PRRC2C: variants seen among roughly 807,000 people sequenced by gnomAD.
The protein encoded by PRRC2C is proline rich coiled-coil 2C.
In PRRC2C, 72 loss-of-function variants were observed where a neutral mutation model predicts 317.2. The observed-to-expected ratio is 0.23, with a 90% confidence interval of 0.19 to 0.28. PRRC2C has a LOEUF of 0.28. Ranked by LOEUF, PRRC2C falls within the 10% of genes least tolerant of loss-of-function variation. PRRC2C has a pLI of 1.00. For missense variants in PRRC2C, 3,074 were observed against 3,459.7 expected, an observed-to-expected ratio of 0.89 and a Z score of 2.80; for synonymous variants, 1,296 against 1,205.9, an observed-to-expected ratio of 1.07 and a Z score of -1.55.
chr1:171,574,331 AT>A (rs1196938755), intron 24 of PRRC2C, among the ~76,000 whole-genome samples: 1 of 152,160 alleles, frequency 6.6e-6, no homozygotes, highest in Non-Finnish European at 1.5e-5. Flanking sequence ...TTAGATATGT[AT>A]CTGTTGAAAA....
intron 23 of PRRC2C, among the ~76,000 whole-genome samples, chr1:171,568,805 C>G (rs888195561): frequency 5.3e-5 from 8 of 151,606 alleles, no homozygotes; most frequent in African/African-American, 2.0e-4. Flanking sequence ...AGAAAAAATA[C>G]CAGCGTGTTA....
intron 1 of PRRC2C, chr1:171,510,349 G>T (rs1036187433): frequency 2.0e-5 from 3 of 152,116 alleles, no homozygotes; most frequent in Admixed American, 6.6e-5. Context: ...AAAAGTCCAA[G>T]ATTTCAGGAT....
intron 18 of PRRC2C, among the ~76,000 whole-genome samples, chr1:171,554,015 A>G (rs1680843102): frequency 6.6e-6 from 1 of 152,128 alleles, no homozygotes; most frequent in Non-Finnish European, 1.5e-5. Flanking sequence ...CAAGTCCTGG[A>G]TATCCTTGTT....
intron 25 of PRRC2C, among the ~76,000 whole-genome samples, chr1:171,575,720 C>T (rs933045386): frequency 5.3e-5 from 8 of 152,126 alleles, no homozygotes; most frequent in Non-Finnish European, 1.0e-4. Flanking sequence ...GGAGGCCTTA[C>T]GGTTCTTAAA....
At chr1:171,518,043 T>C (rs1284562893) in intron 6 of PRRC2C, among the ~76,000 whole-genome samples, 1 of 152,242 alleles carries the variant, frequency 6.6e-6, no homozygotes, top group Non-Finnish European at 1.5e-5. Flanking sequence ...ACGCAGTGTT[T>C]CTTAGCAGAA....
chr1:171,542,862 G>A (rs1000746982), intron 16 of PRRC2C, among the ~76,000 whole-genome samples: 17 of 152,072 alleles, frequency 1.1e-4, no homozygotes, highest in African/African-American at 3.6e-4. Context: ...CAGGGTTCAT[G>A]CCATTCTCCT....
intron 19 of PRRC2C, among the ~76,000 whole-genome samples, chr1:171,559,259 TGGAA>T (rs1426615439): frequency 6.6e-6 from 1 of 152,194 alleles, no homozygotes; most frequent in Non-Finnish European, 1.5e-5. Context: ...AGCCTTCTGT[TGGAA>T]GGAGATGCCA....
chr1:171,542,060 A>G lies in PRRC2C; in HGVS notation c.4594A>G (p.Asn1532Asp), dbSNP rs762559652. 7 of 1,613,950 alleles carry G rather than the reference A, an allele frequency of 4.3e-6. No homozygotes were observed. In the East Asian group the frequency reaches 6.7e-5, roughly 15 times the overall value. ...NAQTVVKVGENVLPPKREIAK... is the reference protein window; with the variant it reads ...NAQTVVKVGEDVLPPKREIAK... Reference sequence around the variant, plus strand: ...ACAAACAGTTGTAAAGGTTGGAGAGAATGTTCTACCTCCAAAGAGGGAAAT... The same window carrying G: ...ACAAACAGTTGTAAAGGTTGGAGAGGATGTTCTACCTCCAAAGAGGGAAAT... Residue 1532 changes from asparagine to aspartate, a missense_variant, in exon 16 of 35, where the codon AAT (asparagine) becomes GAT (aspartate). Transcript: ENST00000647382.
At chr1:171,562,646 G>T (rs1682916082) in intron 20 of PRRC2C, among the ~76,000 whole-genome samples, 1 of 152,180 alleles carries the variant, frequency 6.6e-6, no homozygotes, top group Middle Eastern at 3.2e-3. Flanking sequence ...AAGTTTTTGG[G>T]TTGAACAGTA....
Position 171,557,741 on chromosome 1 carries a change from A to G in PRRC2C, c.5629A>G (p.Thr1877Ala). 6 of 1,550,942 alleles carry G rather than the reference A, an allele frequency of 3.9e-6. No individual in the cohort carries two copies. The highest frequency in any genetic ancestry group is 3.5e-6 in the Non-Finnish European group (4 of 1,146,778). ...AGCCCTAGCATCAACTTCAGCTCCA[A>G]CGCCAGCCCCAGCAGCCTCTTCCCC... ...ASALASTSAP[T>A]PAPAASSPAA... The change falls in exon 19 of 35, where the codon ACG becomes GCG. Residue 1877 changes from threonine to alanine, a missense_variant. Physicochemically the swap from Thr to Ala is moderately conservative, Grantham distance 58 (BLOSUM62 0). Around this residue, in one of 11 missense-constraint regions of PRRC2C, gnomAD observed 640 missense variants for 676.1 expected, o/e 0.95. Coordinates refer to ENST00000647382, the MANE Select transcript of PRRC2C (RefSeq NM_001387844.1).
In PRRC2C at chr1:171,485,589, T is replaced by G. The variant is rs1553197461; in HGVS notation, c.-204T>G. On this transcript the variant is annotated 5_prime_UTR_variant, in exon 1 of 35. Transcript: ENST00000647382. ...CCCTCGGAAAGCTGCGAAAGTGCTT[T>G]GGCGGTTTGTCCATCCGCAGCTTCG... is the stretch of plus-strand genomic sequence containing the variant. 7.9e-5 allele frequency: 12 copies of G among 152,698 alleles called. No homozygotes were observed. Among genetic ancestry groups the G allele is most frequent in the Non-Finnish European group, 8.8e-5 (6 of 68,064 alleles). The allele number at this position is 152,698 out of a possible 1,614,324, so 9.5% of individuals were successfully genotyped here. A position where few individuals can be genotyped will look rare whatever the true frequency, so the allele number is the denominator to read the frequency against.
At chr1:171,518,123 A>T (rs1160133356) in intron 6 of PRRC2C, among the ~76,000 whole-genome samples, 1 of 152,190 alleles carries the variant, frequency 6.6e-6, no homozygotes, top group African/African-American at 2.4e-5. Context: ...TATCTTTATT[A>T]TTAACAGGGA....
rs61814670 is a variant in PRRC2C, at chr1:171,539,319, T to C, written c.2505-652T>C. Among the ~76,000 whole-genome samples, 395 of 152,330 alleles carry C rather than the reference T, an allele frequency of 2.6e-3. 1 individual carries two copies. The highest frequency in any genetic ancestry group is 4.1e-3 in the Non-Finnish European group (282 of 68,010). On this transcript the variant is annotated intron_variant, in intron 15 of 34. Transcript: ENST00000647382. Reference sequence around the variant, plus strand: ...CGCACCCGGCCCTATTTATTTTTAATTGTGGCAGAAACCACTTAGAACATT... The same window carrying C: ...CGCACCCGGCCCTATTTATTTTTAACTGTGGCAGAAACCACTTAGAACATT...
rs529994589 is a variant in PRRC2C, at chr1:171,538,102, G to GTGT, written c.2504+631_2504+633dup. 1.4e-3 allele frequency among the ~76,000 whole-genome samples: 220 copies of GTGT among 152,056 alleles called. 1 individual carries two copies. Among genetic ancestry groups the GTGT allele is most frequent in the African/African-American group, 4.8e-3 (201 of 41,484 alleles). ...TTTTTAGTAGAGACGGGGTTTCACC[G>GTGT]TGTTAGCCAGGATGGTCTCGATCTC... On this transcript the variant is annotated intron_variant, in intron 15 of 34. Transcript: ENST00000647382.
At chr1:171,570,990 C>T (rs994557291) in intron 23 of PRRC2C, among the ~76,000 whole-genome samples, 10 of 152,130 alleles carry the variant, frequency 6.6e-5, no homozygotes, top group African/African-American at 2.4e-4. Flanking sequence ...TCAAAATCTG[C>T]TTTTTATCAG....
At chr1:171,527,629 G>A (rs1214550359) in intron 10 of PRRC2C, among the ~76,000 whole-genome samples, 162 bp from the exon 11 acceptor site, 1 of 152,004 alleles carries the variant, frequency 6.6e-6, no homozygotes, top group Non-Finnish European at 1.5e-5. Flanking sequence ...GGTGGCAGAC[G>A]CCTGTAATCC....
At position 171,541,096 on chromosome 1, in the gene PRRC2C, CAGGGGTGGT is replaced by C. The variant is rs1677859823; in HGVS notation, c.3636_3644del (p.Gly1213_Gly1215del). 1 of 1,613,718 alleles carries C rather than the reference CAGGGGTGGT, an allele frequency of 6.2e-7. No homozygotes were observed. The highest frequency in any genetic ancestry group is 2.2e-5 in the East Asian group (1 of 44,862). Reference sequence around the variant, plus strand: ...ATAGAGGTTCTTATGGAGGGCGTGGCAGGGGTGGTAGGGGACACACTCGAGATTATCCTC... The same window carrying C: ...ATAGAGGTTCTTATGGAGGGCGTGGCAGGGGACACACTCGAGATTATCCTC... On this transcript the variant is annotated inframe_deletion, in exon 16 of 35. Transcript: ENST00000647382. This position sits in a 1 kb window ranked among gnomAD's most constrained non-coding sequence, Gnocchi z 4.1.
At chr1:171,533,914 G>T (rs921480232) in intron 12 of PRRC2C, among the ~76,000 whole-genome samples, 1 of 152,056 alleles carries the variant, frequency 6.6e-6, no homozygotes, top group East Asian at 1.9e-4. Context: ...GAGCCACCGC[G>T]CCCAGCCTAA....
chr1:171,523,211 C>T lies in PRRC2C; in HGVS notation c.834-10C>T, dbSNP rs749409896. ...CTTTTGTATCTTTTCCATGACCTGC[C>T]TTTCATTAGAGGCCTTCGAGGAAGA... On this transcript the variant is annotated splice_polypyrimidine_tract_variant and intron_variant, in intron 7 of 34. Coordinates refer to ENST00000647382, the MANE Select transcript of PRRC2C (RefSeq NM_001387844.1). The T allele has an allele frequency of 2.7e-5, 43 of 1,593,854 alleles. No homozygotes were observed. The South Asian group carries it at 4.9e-4, about 18-fold the overall frequency.
Sources: gnomAD v4.1 joint callset for allele counts (sites outside exome capture counted in the v4.1 genomes callset) on GRCh38, gnomAD v4.1.1 for gene constraint, gnomAD v4.1.1 regional missense constraint, Gnocchi (gnomAD v3.1) non-coding constraint, MANE v1.5 for transcripts, NCBI Gene and HGNC (gene_info 2026-07-23, HGNC 2026-07-21) for gene names.